ADAMTS12: variants seen among roughly 807,000 people sequenced by gnomAD.
ADAMTS12 encodes the protein A disintegrin and metalloproteinase with thrombospondin motifs 12.
A neutral mutation model predicts 167.8 loss-of-function variants in ADAMTS12; 118 were observed. The ratio of observed to expected loss-of-function variants is 0.70; its 90% confidence interval spans 0.61 to 0.82. ADAMTS12 has a LOEUF of 0.82. ADAMTS12 is among the 40% of genes least tolerant of loss of function. The pLI, the probability that ADAMTS12 is intolerant of heterozygous loss-of-function variation, is 0.00. For synonymous variants in ADAMTS12, 704 were observed against 716.9 expected, an observed-to-expected ratio of 0.98 and a Z score of 0.29; for missense variants, 1,916 against 1,998.8, an observed-to-expected ratio of 0.96 and a Z score of 0.79.
chr5:33,812,730 T>C (rs1214956001), intron 2 of ADAMTS12, among the ~76,000 whole-genome samples: 1 of 152,254 alleles, frequency 6.6e-6, no homozygotes, highest in Non-Finnish European at 1.5e-5. Flanking sequence ...TTGTGCATTA[T>C]TCTATTGTTT....
At chr5:33,828,531 C>G (rs1160293161) in intron 2 of ADAMTS12, among the ~76,000 whole-genome samples, 1 of 152,096 alleles carries the variant, frequency 6.6e-6, no homozygotes, top group Admixed American at 6.6e-5. Context: ...TTATTTGGAT[C>G]TTTATTAAGA....
intron 16 of ADAMTS12, among the ~76,000 whole-genome samples, chr5:33,601,698 T>C (rs1334901132): frequency 6.6e-6 from 1 of 152,194 alleles, no homozygotes; most frequent in Non-Finnish European, 1.5e-5. Flanking sequence ...TGAATGTATA[T>C]TAGATAATAA....
At chr5:33,587,325 C>T (rs138499812) in intron 18 of ADAMTS12, among the ~76,000 whole-genome samples, 104 of 152,300 alleles carry the variant, frequency 6.8e-4, no homozygotes, top group Non-Finnish European at 1.2e-3. Flanking sequence ...ATTTTGATCA[C>T]ATTATTCATT....
chr5:33,604,439 T>A (rs948123033), intron 16 of ADAMTS12, among the ~76,000 whole-genome samples: 3 of 151,486 alleles, frequency 2.0e-5, no homozygotes, highest in Non-Finnish European at 2.9e-5. Context: ...AGGTGGAGGT[T>A]GCAGTGAGCG....
intron 2 of ADAMTS12, among the ~76,000 whole-genome samples, chr5:33,753,491 T>C (rs1745070689): frequency 6.6e-6 from 1 of 152,152 alleles, no homozygotes; most frequent in Non-Finnish European, 1.5e-5. Flanking sequence ...AGAAAGCTCA[T>C]TTGTTCTATG....
intron 6 of ADAMTS12, among the ~76,000 whole-genome samples, chr5:33,660,717 G>A (rs1036671449): frequency 6.6e-5 from 10 of 152,206 alleles, no homozygotes; most frequent in South Asian, 2.1e-4. Flanking sequence ...CAGAGTCCCC[G>A]TGCTTACATT....
intron 2 of ADAMTS12, among the ~76,000 whole-genome samples, chr5:33,825,557 ACT>A (rs1748034022): frequency 6.6e-6 from 1 of 152,348 alleles, no homozygotes; most frequent in Admixed American, 6.5e-5. Context: ...CCCAAAAGGA[ACT>A]AAAGGGCAAA....
intron 2 of ADAMTS12, among the ~76,000 whole-genome samples, chr5:33,853,299 C>T (rs981219033): frequency 6.6e-6 from 1 of 152,148 alleles, no homozygotes; most frequent in African/African-American, 2.4e-5. Context: ...TTGTCTGTCC[C>T]AGCCCTTCTG....
chr5:33,794,552 C>T (rs1190327421), intron 2 of ADAMTS12, among the ~76,000 whole-genome samples: 5 of 152,194 alleles, frequency 3.3e-5, no homozygotes, highest in African/African-American at 1.2e-4. Context: ...AGCTCTGCCA[C>T]TCAATTAAGT....
chr5:33,832,331 T>G (rs1748332889), intron 2 of ADAMTS12, among the ~76,000 whole-genome samples: 1 of 152,200 alleles, frequency 6.6e-6, no homozygotes, highest in South Asian at 2.1e-4. Context: ...TTGTACTGTA[T>G]GAACAGGTTC....
chr5:33,576,033 CA>C lies in ADAMTS12; in HGVS notation c.3972+20del. On this transcript the variant is annotated intron_variant, in intron 19 of 23. Coordinates refer to ENST00000504830, the MANE Select transcript of ADAMTS12 (RefSeq NM_030955.4). ...AGCTTTTTTCCATGTAAAACCAGGCCAGGGGTAGGAAATGTCTTACCTCGCT... is the reference window on the plus strand; with the variant it reads ...AGCTTTTTTCCATGTAAAACCAGGCCGGGGTAGGAAATGTCTTACCTCGCT... The C allele has an allele frequency of 1.9e-6, 3 of 1,592,858 alleles. No individual in the cohort carries two copies. Among genetic ancestry groups the C allele is most frequent in the Non-Finnish European group, 1.7e-6 (2 of 1,169,012 alleles).
chr5:33,549,080 GAACAGAGGC>G, intron 21 of ADAMTS12, 118 bp downstream of exon 21: 1 of 1,253,790 alleles, frequency 8.0e-7, no homozygotes, highest in South Asian at 1.5e-5. Flanking sequence ...TGGGGTCACT[GAACAGAGGC>G]CAGTCATTGG....
chr5:33,774,398 T>C (rs1240237288), intron 2 of ADAMTS12, among the ~76,000 whole-genome samples: 1 of 152,208 alleles, frequency 6.6e-6, no homozygotes, highest in Middle Eastern at 3.2e-3. Flanking sequence ...TACACTATTT[T>C]TTTTCTAAGC....
intron 16 of ADAMTS12, among the ~76,000 whole-genome samples, chr5:33,609,250 T>A (rs1738596268): frequency 1.3e-5 from 2 of 152,254 alleles, no homozygotes; most frequent in South Asian, 2.1e-4. Context: ...TCTAAAACTT[T>A]TAGAAGAAAA....
intron 2 of ADAMTS12, among the ~76,000 whole-genome samples, chr5:33,854,902 G>A (rs1749346704): frequency 6.6e-6 from 1 of 152,170 alleles, no homozygotes; most frequent in Admixed American, 6.5e-5. Flanking sequence ...AGAGTCAGGG[G>A]ATAAGCAGAA....
chr5:33,681,287 T>C (rs1157524035), intron 5 of ADAMTS12, among the ~76,000 whole-genome samples: 1 of 152,058 alleles, frequency 6.6e-6, no homozygotes, highest in East Asian at 1.9e-4. Flanking sequence ...CACACGATCG[T>C]GGAGATTTTT....
At chr5:33,851,683 C>G (rs112242402) in intron 2 of ADAMTS12, among the ~76,000 whole-genome samples, 2 of 152,186 alleles carry the variant, frequency 1.3e-5, no homozygotes, top group African/African-American at 4.8e-5. Flanking sequence ...CAATATCCAA[C>G]CTCCAAGATC....
At chr5:33,683,409 A>G (rs906338819) in intron 4 of ADAMTS12, among the ~76,000 whole-genome samples, 7 of 152,228 alleles carry the variant, frequency 4.6e-5, no homozygotes, top group Non-Finnish European at 8.8e-5. Flanking sequence ...TCCCACCTCA[A>G]TAGGACTAAC....
intron 5 of ADAMTS12, among the ~76,000 whole-genome samples, chr5:33,671,993 A>G (rs1323840305): frequency 5.4e-5 from 8 of 148,482 alleles, no homozygotes; most frequent in Non-Finnish European, 1.2e-4. Context: ...ATACACACAC[A>G]CCCATATACT....
Sources: gnomAD v4.1 joint callset for allele counts (sites outside exome capture counted in the v4.1 genomes callset) on GRCh38, gnomAD v4.1.1 for gene constraint, MANE v1.5 for transcripts, NCBI Gene and HGNC (gene_info 2026-07-23, HGNC 2026-07-21) for gene names.